Variants in LAMC3 observed in about 807,000 individuals in gnomAD.
LAMC3 encodes laminin subunit gamma 3.
Under a neutral mutation model 173.8 loss-of-function variants are expected in LAMC3, and 128 were observed. The observed-to-expected ratio is 0.74, with a 90% CI of 0.64 to 0.85. LAMC3 has a LOEUF of 0.85. Among genes scored for constraint, LAMC3 ranks in the 40% least tolerant of loss-of-function variants. The pLI is 0.00. For synonymous variants in LAMC3, 897 were observed against 909.1 expected (o/e 0.99, Z 0.24); for missense variants, 2,022 against 2,156.0 (o/e 0.94, Z 1.23).
chr9:131,051,212 G>A (rs758924984), intron 9 of LAMC3, among the ~76,000 whole-genome samples: 4 of 152,082 alleles, frequency 2.6e-5, no homozygotes, highest in African/African-American at 4.8e-5. Flanking sequence ...ACTATTAAAG[G>A]TACTAAAATA....
In LAMC3 at chr9:131,091,586, G is replaced by C. The variant is rs752448130; in HGVS notation, c.4527G>C (p.Gln1509His). The C allele has an allele frequency of 8.8e-6, 14 of 1,591,698 alleles. No individual in the cohort carries two copies. The highest frequency in any genetic ancestry group is 1.2e-5 in the Non-Finnish European group (14 of 1,169,340). ...QAPAQALNET[Q>H]WALERLRLQL... Reference sequence around the variant, plus strand: ...CAGCCCAGGCCCTGAACGAGACTCAGTGGGCACTAGAACGCCTGAGGCTGC... The same window carrying C: ...CAGCCCAGGCCCTGAACGAGACTCACTGGGCACTAGAACGCCTGAGGCTGC... The change falls in exon 28 of 28, where the codon CAG (glutamine) becomes CAC (histidine). Residue 1509 changes from glutamine to histidine, a missense_variant. By Grantham distance (24) the Gln-to-His change is conservative. Transcript: ENST00000361069.
Position 131,045,740 on chromosome 9 carries a change from C to G in LAMC3, c.1519+80C>G, listed in dbSNP as rs987936237. On this transcript the variant is annotated intron_variant, in intron 8 of 27. Transcript: ENST00000361069. Reference sequence around the variant, plus strand: ...GTGATCCTGCCCTGGGGAGATCTTGCATTAGTGGATCTCCCATTGTGGAGA... The same window carrying G: ...GTGATCCTGCCCTGGGGAGATCTTGGATTAGTGGATCTCCCATTGTGGAGA... The G allele has an allele frequency of 4.4e-5, 67 of 1,515,326 alleles. 1 individual carries two copies. The African/African-American group carries it at 8.8e-4, about 20-fold the overall frequency. The allele number at this position is 1,515,326 out of a possible 1,614,324, so 93.9% of individuals were successfully genotyped here.
chr9:131,068,968 C>T lies in LAMC3; in HGVS notation c.2808C>T (p.Cys936=), dbSNP rs1829991666. ...EDQCHPKTGQ[C]TCRPGVTGQA... is the part of the protein sequence containing the mutation. ...AGTGCCATCCCAAGACTGGACAGTG[C>T]ACCTGCCGCCCAGGTGTCACAGGCC... Residue 936 remains cysteine (C), a synonymous_variant, in exon 16 of 28, where the codon TGC becomes TGT. Coordinates refer to ENST00000361069, the MANE Select transcript of LAMC3 (RefSeq NM_006059.4). 3.1e-6 allele frequency: 5 copies of T among 1,614,078 alleles called. No homozygotes were observed. Among genetic ancestry groups the T allele is most frequent in the Non-Finnish European group, 4.2e-6 (5 of 1,179,980 alleles).
intron 23 of LAMC3, among the ~76,000 whole-genome samples, chr9:131,080,941 A>G (rs1830227272): frequency 6.6e-6 from 1 of 152,122 alleles, no homozygotes; most frequent in Non-Finnish European, 1.5e-5. Context: ...GCATACAAAC[A>G]CCCATTTTAG....
At chr9:131,037,006 C>T (rs1379061270) in intron 4 of LAMC3, among the ~76,000 whole-genome samples, 4 of 152,238 alleles carry the variant, frequency 2.6e-5, no homozygotes, top group African/African-American at 9.6e-5. Context: ...GCTCGCTGGG[C>T]GGGCAGCTTG....
chr9:131,040,981 A>G (rs917686946), intron 6 of LAMC3, among the ~76,000 whole-genome samples: 3 of 152,180 alleles, frequency 2.0e-5, no homozygotes, highest in Non-Finnish European at 4.4e-5. Context: ...GGAAAGATGC[A>G]TGGATGGGTG....
chr9:131,075,912 G>A lies in LAMC3; in HGVS notation c.3576G>A (p.Trp1192Ter). Residue 1192 changes from tryptophan (W) to a stop codon, truncating the protein, a stop_gained, in exon 21 of 28, where the codon TGG becomes TGA. Coordinates refer to ENST00000361069, the MANE Select transcript of LAMC3 (RefSeq NM_006059.4). LOFTEE classifies it high-confidence loss of function. ...CCAACACCAGCTACGCGCTTCTCTG[G>A]AATCTGCTGGAGGGAAGGGTGGCCC... ...LASNTSYALLWNLLEGRVALE... is the reference protein window; with the variant it reads ...LASNTSYALL 4 of 1,611,962 alleles carry A rather than the reference G, an allele frequency of 2.5e-6. No homozygotes were observed. Among genetic ancestry groups the A allele is most frequent in the Non-Finnish European group, 3.4e-6 (4 of 1,178,806 alleles).
intron 6 of LAMC3, among the ~76,000 whole-genome samples, chr9:131,040,719 C>T (rs1293420115): frequency 3.3e-5 from 5 of 152,112 alleles, no homozygotes; most frequent in Non-Finnish European, 7.4e-5. Context: ...GCCTGTGGCT[C>T]ACAGCCTCCT....
At chr9:131,060,574 G>A (rs1829785832) in intron 12 of LAMC3, among the ~76,000 whole-genome samples, 1 of 152,118 alleles carries the variant, frequency 6.6e-6, no homozygotes, top group South Asian at 2.1e-4. Flanking sequence ...AACCTGGGAA[G>A]TGGAGGTTGC....
intron 9 of LAMC3, 152 bp from the exon 10 acceptor site, chr9:131,052,339 C>T (rs1834305075): frequency 2.8e-6 from 2 of 712,648 alleles, no homozygotes; most frequent in East Asian, 2.6e-5. Context: ...GGGTGGGCCC[C>T]CTGCAGGGTC....
At chr9:131,031,111 G>C (rs1833815491) in intron 2 of LAMC3, among the ~76,000 whole-genome samples, 1 of 152,278 alleles carries the variant, frequency 6.6e-6, no homozygotes, top group East Asian at 1.9e-4. Flanking sequence ...AGCTCTCGGG[G>C]AGCAGGAGGG....
In LAMC3 at chr9:131,044,097, T is replaced by G. The variant is rs528587930; in HGVS notation, c.1383-1427T>G. Among the ~76,000 whole-genome samples, 26 of 152,060 alleles carry G rather than the reference T, an allele frequency of 1.7e-4. No homozygotes were observed. The South Asian group carries it at 5.4e-3, about 32-fold the overall frequency. On this transcript the variant is annotated intron_variant, in intron 7 of 27. Transcript: ENST00000361069. The stretch of plus-strand genomic sequence containing the variant: ...CCTCAGCCTCCTAAGTAGCTAGGAT[T>G]ATAGGCACCCACCACCACGCCTGGC...
rs1207078442 is a variant in LAMC3 at position 131,052,906 on chromosome 9, G to T, written c.1880G>T (p.Arg627Leu). ...CCACTGCCCCCCTTCCACTTCCAGC[G>T]GCTCCTCGCCAACCTGACCAGCCTC... ...APPLPPFHFQ[R>L]LLANLTSLRL... Residue 627 changes from arginine (R) to leucine (L), a missense_variant, in exon 11 of 28, where the codon CGG (arginine) becomes CTG (leucine). Arg to Leu is a moderately radical substitution (Grantham distance 102, BLOSUM62 -2). Transcript: ENST00000361069. 3 of 1,613,568 alleles carry T rather than the reference G, an allele frequency of 1.9e-6. No homozygotes were observed. Among genetic ancestry groups the T allele is most frequent in the Non-Finnish European group, 2.5e-6 (3 of 1,180,002 alleles).
intron 11 of LAMC3, 88 bp from the exon 12 acceptor site, chr9:131,056,841 G>C: frequency 2.1e-6 from 2 of 975,464 alleles, no homozygotes; most frequent in Non-Finnish European, 3.3e-6. Context: ...CGTGGGCCTG[G>C]TCCATATGTG....
At chr9:131,019,866 G>A (rs7860707) in intron 1 of LAMC3, among the ~76,000 whole-genome samples, 2,590 of 150,850 alleles carry the variant, frequency 0.017, 64 homozygotes, top group African/African-American at 0.055. Context: ...GCCAGCAGCT[G>A]GGCACAGCAG....
intron 3 of LAMC3, among the ~76,000 whole-genome samples, chr9:131,033,022 GTGGTCC>G (rs368711738): frequency 2.5e-4 from 38 of 152,296 alleles, no homozygotes; most frequent in African/African-American, 6.0e-4. Context: ...TCTCTGGCCC[GTGGTCC>G]TGGTCCTGGT....
intron 12 of LAMC3, among the ~76,000 whole-genome samples, chr9:131,057,758 G>T (rs1588155501): frequency 6.6e-6 from 1 of 152,234 alleles, no homozygotes; most frequent in Non-Finnish European, 1.5e-5. Flanking sequence ...AGACGCTCAG[G>T]CTCTGAAAAC....
Position 131,069,023 on chromosome 9 carries a change from T to G in LAMC3, c.2863T>G (p.Phe955Val). 1 of 1,614,002 alleles carries G rather than the reference T, an allele frequency of 6.2e-7. No homozygotes were observed. Among genetic ancestry groups the G allele is most frequent in the Non-Finnish European group, 8.5e-7 (1 of 1,180,004 alleles). The change falls in exon 16 of 28, where the codon TTC becomes GTC. Residue 955 changes from phenylalanine to valine, a missense_variant. Phe to Val is a conservative substitution (Grantham distance 50). Coordinates refer to ENST00000361069, the MANE Select transcript of LAMC3 (RefSeq NM_006059.4). ...CTGTGACAGGTGCCAGCTGGGTTTC[T>G]TCGGCTTCTCCATCAAGGGCTGCCG... ...QACDRCQLGF[F>V]GFSIKGCRAC...
chr9:131,073,187 G>A (rs1317354284), intron 19 of LAMC3, 58 bp from the exon 20 acceptor site: 2 of 1,288,464 alleles, frequency 1.6e-6, no homozygotes, highest in African/African-American at 1.5e-5. Flanking sequence ...GACCAGATGT[G>A]GCCCTTACCC....
Sources: gnomAD v4.1 joint callset for allele counts (sites outside exome capture counted in the v4.1 genomes callset) on GRCh38, gnomAD v4.1.1 for gene constraint, MANE v1.5 for transcripts, NCBI Gene and HGNC (gene_info 2026-07-23, HGNC 2026-07-21) for gene names.